The following KAZN variants were observed in gnomAD, a reference collection of about 807,000 sequenced individuals.
The protein encoded by KAZN is kazrin, periplakin interacting protein.
In KAZN, 40 loss-of-function variants were observed where a neutral mutation model predicts 87.4. That is an observed-to-expected ratio of 0.46 (90% CI 0.36 to 0.60). KAZN has a LOEUF of 0.60. Ranked by LOEUF, KAZN falls within the 20% of genes least tolerant of loss-of-function variation. The pLI is 0.00. For missense variants in KAZN, 898 were observed against 1,073.9 expected, an observed-to-expected ratio of 0.84 and a Z score of 2.29; for synonymous variants, 466 against 458.3, an observed-to-expected ratio of 1.02 and a Z score of -0.22.
intron 2 of KAZN, among the ~76,000 whole-genome samples, chr1:14,571,694 C>G (rs1382147067): frequency 6.6e-6 from 1 of 152,162 alleles, no homozygotes. Flanking sequence ...GAATCAGGAA[C>G]AGTATGGACT....
At chr1:13,896,902 G>A (rs1639066069) in intron 1 of KAZN, among the ~76,000 whole-genome samples, 1 of 152,218 alleles carries the variant, frequency 6.6e-6, no homozygotes, top group South Asian at 2.1e-4. Context: ...GCAGAGATAG[G>A]TTTCTTGGAG....
At chr1:14,809,659 G>A (rs916205011) in intron 1 of KAZN, among the ~76,000 whole-genome samples, 26 of 152,324 alleles carry the variant, frequency 1.7e-4, no homozygotes, top group African/African-American at 6.0e-4. Context: ...AAAATTTCTG[G>A]TAGGCAGAAT....
In KAZN at chr1:14,984,964, C is replaced by T. The variant is rs369483367; in HGVS notation, c.418+24089C>T. 7.6e-4 allele frequency among the ~76,000 whole-genome samples: 116 copies of T among 151,918 alleles called. 1 individual carries two copies. In the South Asian group the frequency reaches 0.02, roughly 27 times the overall value. On this transcript the variant is annotated intron_variant, in intron 2 of 14. Transcript: ENST00000376030. ...CAGCCTGGCCAATATGATGAAACCT[C>T]GTCTCTACTACAAATACAAAAATTA...
intron 1 of KAZN, among the ~76,000 whole-genome samples, chr1:14,953,223 C>T (rs1418324092): frequency 1.3e-5 from 2 of 152,236 alleles, no homozygotes; most frequent in African/African-American, 4.8e-5. Context: ...GGGCCAGAAC[C>T]ACCATGCGCT....
rs138476341 is a variant in KAZN at position 14,698,427 on chromosome 1, A to G, written c.226+99204A>G. 5.8e-3 allele frequency among the ~76,000 whole-genome samples: 885 copies of G among 152,306 alleles called. 10 individuals carry two copies. Among genetic ancestry groups the G allele is most frequent in the African/African-American group, 0.02 (814 of 41,574 alleles). On this transcript the variant is annotated intron_variant, in intron 1 of 14. Transcript: ENST00000376030. ...TCTGGCCCTCGGCCGTGAGCCACGC[A>G]GATTCTGCTGATTTGCCGTTGGGGT...
At chr1:14,655,048 C>G (rs758212834) in intron 1 of KAZN, among the ~76,000 whole-genome samples, 1 of 152,228 alleles carries the variant, frequency 6.6e-6, no homozygotes, top group Non-Finnish European at 1.5e-5. Flanking sequence ...CTGTTGGGCC[C>G]AGCCCCAGAG....
intron 2 of KAZN, among the ~76,000 whole-genome samples, chr1:14,436,734 A>AAAAAAAACAAAAACAAAAAC (rs563539375): frequency 7.3e-6 from 1 of 137,368 alleles, no homozygotes; most frequent in Non-Finnish European, 1.5e-5. Context: ...AAAAAAAAAA[A>AAAAAAAACAAAAACAAAAAC]AAAACCTTAA....
intron 2 of KAZN, among the ~76,000 whole-genome samples, chr1:14,515,377 G>T (rs770157155): frequency 2.0e-5 from 3 of 152,162 alleles, no homozygotes; most frequent in Admixed American, 6.5e-5. Context: ...CCTGATACTT[G>T]CGAGGCAGTG....
chr1:13,989,356 G>A (rs528597594), intron 1 of KAZN, among the ~76,000 whole-genome samples: 2 of 152,176 alleles, frequency 1.3e-5, no homozygotes, highest in Admixed American at 1.3e-4. Context: ...GGGGTTACAC[G>A]GATGAACTAG....
At chr1:14,498,683 C>A (rs1670081752) in intron 2 of KAZN, among the ~76,000 whole-genome samples, 1 of 151,854 alleles carries the variant, frequency 6.6e-6, no homozygotes, top group Non-Finnish European at 1.5e-5. Context: ...CAGAGCAAGA[C>A]TCTGTCTCAA....
chr1:14,995,095 G>A (rs12023436), intron 2 of KAZN, among the ~76,000 whole-genome samples: 7,943 of 152,318 alleles, frequency 0.052, 344 homozygotes, highest in South Asian at 0.17. Context: ...GGGAAGGGCA[G>A]CTGCCCTGGA....
intron 1 of KAZN, among the ~76,000 whole-genome samples, chr1:14,002,329 C>T (rs887712333): frequency 2.6e-5 from 4 of 152,196 alleles, no homozygotes; most frequent in African/African-American, 7.2e-5. Context: ...ACAGAATTCC[C>T]ATGTGTTGTG....
At chr1:14,374,220 T>G (rs1222929419) in intron 2 of KAZN, among the ~76,000 whole-genome samples, 2 of 152,188 alleles carry the variant, frequency 1.3e-5, no homozygotes, top group African/African-American at 4.8e-5. Context: ...TGCCTGTCCT[T>G]GTAGGTGTCC....
In KAZN at chr1:15,044,246, G is replaced by A. The variant is rs1473546979; in HGVS notation, c.726+87G>A. 23 of 531,928 alleles carry A rather than the reference G, an allele frequency of 4.3e-5. 2 individuals are homozygous for A. Among genetic ancestry groups the A allele is most frequent in the South Asian group, 9.3e-5 (3 of 32,190 alleles). 33.0% of individuals were successfully genotyped at this position (531,928 alleles called of 1,614,324 possible). ...GGACGTCTGGCACCGACTCACATCG[G>A]AGACCTAGGGTGGGGTGGGTGGGGC... On this transcript the variant is annotated intron_variant, in intron 4 of 14. Transcript: ENST00000376030.
At position 15,110,513 on chromosome 1, in the gene KAZN, GTT is replaced by G. The variant is rs71000364; in HGVS notation, c.2049-1912_2049-1911del. On this transcript the variant is annotated intron_variant, in intron 13 of 14. Transcript: ENST00000376030. ...TGTATGTATGTGTGTGTATTTGTGT[GTT>G]TGTGTGTATGTGTTTGTGTGTGTGC... Among the ~76,000 whole-genome samples, 18 of 82,470 alleles carry G rather than the reference GTT, an allele frequency of 2.2e-4. No individual in the cohort carries two copies. In the South Asian group the frequency reaches 3.0e-3, roughly 14 times the overall value. 54.1% of individuals were successfully genotyped at this position (82,470 alleles called of 152,430 possible). A position where few individuals can be genotyped will look rare whatever the true frequency, so the allele number is the denominator to read the frequency against.
In KAZN at chr1:15,096,981, C is replaced by A. The variant is rs61772225; in HGVS notation, c.1547+2048C>A. On this transcript the variant is annotated intron_variant, in intron 10 of 14. Coordinates refer to ENST00000376030, the MANE Select transcript of KAZN (RefSeq NM_201628.3). The surrounding 1 kb of genome is among the most constrained non-coding windows in gnomAD (Gnocchi z 4.5). ...TCTGTGGTCCCAGGGATCGTGGAGC[C>A]CCACCCTTAGACACCCCCAGGGCTT... Among the ~76,000 whole-genome samples the A allele has an allele frequency of 0.7, 105,587 of 151,676 alleles. 38,128 individuals are homozygous for A. The highest frequency in any genetic ancestry group is 0.8 in the East Asian group (4,107 of 5,156).
chr1:13,908,778 A>T (rs1023064175), intron 1 of KAZN, among the ~76,000 whole-genome samples: 1 of 152,226 alleles, frequency 6.6e-6, no homozygotes, highest in African/African-American at 2.4e-5. Context: ...GGCCCGAGCT[A>T]GGATGCTGAG....
intron 1 of KAZN, among the ~76,000 whole-genome samples, chr1:14,657,769 G>C (rs1638900076): frequency 6.6e-6 from 1 of 152,184 alleles, no homozygotes; most frequent in African/African-American, 2.4e-5. Flanking sequence ...CCAGAGCACA[G>C]CCTGGAACCC....
chr1:14,787,651 G>A (rs531952253), intron 1 of KAZN, among the ~76,000 whole-genome samples: 1 of 152,250 alleles, frequency 6.6e-6, no homozygotes, highest in African/African-American at 2.4e-5. Context: ...TGCCTTGTAC[G>A]ACTCCAGGGG....
Sources: allele counts gnomAD v4.1 joint callset (sites outside exome capture counted in the v4.1 genomes callset), GRCh38; gene constraint gnomAD v4.1.1; non-coding constraint Gnocchi (gnomAD v3.1); transcripts MANE v1.5; gene names NCBI Gene and HGNC (gene_info 2026-07-23, HGNC 2026-07-21).